Variants in PEX5 observed in about 807,000 individuals in gnomAD.
PEX5 encodes the protein peroxisomal biogenesis factor 5, also known as PTS1 receptor.
A neutral mutation model predicts 82.9 loss-of-function variants in PEX5; 52 were observed. The ratio of observed to expected loss-of-function variants is 0.63; its 90% CI spans 0.50 to 0.79. The LOEUF is 0.79. PEX5 is among the 30% of genes least tolerant of loss of function. The pLI, the probability that PEX5 is intolerant of heterozygous loss-of-function variation, is 0.00. For synonymous variants in PEX5, 300 were observed against 318.8 expected (o/e 0.94, Z 0.63); for missense variants, 719 against 815.2 (o/e 0.88, Z 1.44).
chr12:7,194,130 C>T (rs1055349070), intron 5 of PEX5, among the ~76,000 whole-genome samples: 1 of 152,008 alleles, frequency 6.6e-6, no homozygotes, highest in South Asian at 2.1e-4. Flanking sequence ...GTGGTTGATA[C>T]AATTGTATGG....
upstream of PEX5, chr12:7,189,617 G>A (rs1437606399): frequency 3.3e-6 from 1 of 298,872 alleles, no homozygotes; most frequent in African/African-American, 2.2e-5. Context: ...AGCTTCCGCT[G>A]GGCCTGGGCC....
rs749899705 is a variant in PEX5, at chr12:7,210,673, C to T, written c.*450C>T. On this transcript the variant is annotated 3_prime_UTR_variant, in exon 16 of 16. Coordinates refer to ENST00000675855, the MANE Select transcript of PEX5 (RefSeq NM_001351132.2). Reference sequence around the variant, plus strand: ...TTCATCTGCTGTGCGCCTCTAATGTCTGTCTGGATGGGATGTGTTAGGAGT... The same window carrying T: ...TTCATCTGCTGTGCGCCTCTAATGTTTGTCTGGATGGGATGTGTTAGGAGT... 2 of 288,658 alleles carry T rather than the reference C, an allele frequency of 6.9e-6. No individual in the cohort carries two copies. Among genetic ancestry groups the T allele is most frequent in the Non-Finnish European group, 1.4e-5 (2 of 147,912 alleles). The allele number at this position is 288,658 out of a possible 1,614,324, so 17.9% of individuals were successfully genotyped here.
chr12:7,206,232 A>G (rs904618295), intron 10 of PEX5, among the ~76,000 whole-genome samples: 7 of 152,376 alleles, frequency 4.6e-5, no homozygotes, highest in Middle Eastern at 3.4e-3. Context: ...GATGGTTTTA[A>G]CATTTTTAAA....
chr12:7,214,934 C>G (rs879826732), downstream of PEX5, among the ~76,000 whole-genome samples: 12 of 151,948 alleles, frequency 7.9e-5, no homozygotes, highest in Non-Finnish European at 1.2e-4. Context: ...TATATTGAAG[C>G]TAGCATCAAT....
At chr12:7,202,007 G>A (rs1383924189) in intron 7 of PEX5, 166 bp downstream of exon 7, 2 of 754,502 alleles carry the variant, frequency 2.7e-6, no homozygotes, top group Non-Finnish European at 4.5e-6. Flanking sequence ...TCCTTCTAGT[G>A]TTCATTCCCT....
downstream of PEX5, chr12:7,211,630 C>G (rs752656585): frequency 2.6e-5 from 4 of 151,806 alleles, no homozygotes; most frequent in Admixed American, 2.6e-4. Flanking sequence ...GAGACAGGGT[C>G]CCTGTTCTCT....
intron 12 of PEX5, 69 bp from the exon 13 acceptor site, chr12:7,208,388 C>A: frequency 8.6e-7 from 1 of 1,162,996 alleles, no homozygotes; most frequent in Non-Finnish European, 1.3e-6. Flanking sequence ...TGGCTTGGAT[C>A]CCAGGGTGCT....
chr12:7,197,475 TATATA>T (rs201153387), intron 5 of PEX5, among the ~76,000 whole-genome samples: 1,460 of 144,994 alleles, frequency 0.01, 123 homozygotes, highest in African/African-American at 0.035. Flanking sequence ...ATATATGTTA[TATATA>T]ATATAATAAT....
chr12:7,208,877 G>A, intron 13 of PEX5, 128 bp from the exon 14 acceptor site: 1 of 979,174 alleles, frequency 1.0e-6, no homozygotes, highest in Non-Finnish European at 1.6e-6. Context: ...TGGACTTTGA[G>A]AGTAGAAGAG....
chr12:7,196,001 A>T (rs1202742406), intron 5 of PEX5, among the ~76,000 whole-genome samples: 3 of 127,238 alleles, frequency 2.4e-5, no homozygotes, highest in Non-Finnish European at 3.2e-5. Context: ...AAAATTGCCA[A>T]CCATATTTCT....
At chr12:7,190,297 A>C in intron 1 of PEX5, 65 bp from the exon 2 acceptor site, 2 of 1,599,336 alleles carry the variant, frequency 1.3e-6, no homozygotes, top group Non-Finnish European at 1.7e-6. Context: ...AGATACGGGC[A>C]GAGTTGTGGA....
chr12:7,194,498 A>G (rs1046738066), intron 5 of PEX5, among the ~76,000 whole-genome samples: 3 of 152,148 alleles, frequency 2.0e-5, no homozygotes, highest in Non-Finnish European at 2.9e-5. Context: ...GTTTTTTGCA[A>G]TTTTATTAAA....
upstream of PEX5, chr12:7,188,747 G>C (rs2290241): frequency 1.3e-5 from 2 of 152,360 alleles, no homozygotes; most frequent in Admixed American, 1.3e-4. Flanking sequence ...GTCATTTACC[G>C]GCAGCCCTGG....
At chr12:7,189,797 T>A (rs1465397540) in intron 1 of PEX5, 47 bp downstream of exon 1, 1 of 676,226 alleles carries the variant, frequency 1.5e-6, no homozygotes. Flanking sequence ...CCCTGGGCCC[T>A]CCCCACCCTT....
intron 10 of PEX5, among the ~76,000 whole-genome samples, chr12:7,206,604 C>T (rs1230140672): frequency 3.3e-5 from 5 of 152,094 alleles, no homozygotes; most frequent in East Asian, 3.9e-4. Context: ...CTTCTTAAAC[C>T]CCCCATTGTA....
chr12:7,194,927 C>CTG (rs1409610941), intron 5 of PEX5, among the ~76,000 whole-genome samples: 1 of 152,182 alleles, frequency 6.6e-6, no homozygotes. Context: ...ACATTTGTTA[C>CTG]TGTATTCATT....
In PEX5 at chr12:7,191,367, A is replaced by C. The variant is rs1271974254; in HGVS notation, c.316+9A>C. 1.2e-6 allele frequency: 2 copies of C among 1,614,192 alleles called. No individual in the cohort carries two copies. The highest frequency in any genetic ancestry group is 8.5e-7 in the Non-Finnish European group (1 of 1,180,030). ...CCAGGCTCCCCAGAGAGGTGAGTCCAGAGTCTAGTGGGAGGGGAGATCGTT... is the reference window on the plus strand; with the variant it reads ...CCAGGCTCCCCAGAGAGGTGAGTCCCGAGTCTAGTGGGAGGGGAGATCGTT... On this transcript the variant is annotated intron_variant, in intron 4 of 15. Transcript: ENST00000675855.
chr12:7,210,449 T>A lies in PEX5; in HGVS notation c.*226T>A. ...CTGAGTCCCTTGGTAATTCAAGGGC[T>A]GTACATCCAGCTACAGATCTCTCTG... On this transcript the variant is annotated 3_prime_UTR_variant, in exon 16 of 16. Transcript: ENST00000675855. The A allele has an allele frequency of 1.6e-6, 1 of 612,644 alleles. No individual in the cohort carries two copies. Among genetic ancestry groups the A allele is most frequent in the Non-Finnish European group, 2.9e-6 (1 of 339,828 alleles). 38.0% of individuals were successfully genotyped at this position (612,644 alleles called of 1,614,324 possible). A position where few individuals can be genotyped will look rare whatever the true frequency, so the allele number is the denominator to read the frequency against.
chr12:7,214,698 C>G (rs1452333020), downstream of PEX5, among the ~76,000 whole-genome samples: 1 of 147,104 alleles, frequency 6.8e-6, no homozygotes, highest in Non-Finnish European at 1.5e-5. Flanking sequence ...CACATGTACC[C>G]TAAAACTTAA....
Sources: gnomAD v4.1 joint callset for allele counts (sites outside exome capture counted in the v4.1 genomes callset) on GRCh38, gnomAD v4.1.1 for gene constraint, MANE v1.5 for transcripts, NCBI Gene and HGNC (gene_info 2026-07-23, HGNC 2026-07-21) for gene names.